ZNF646: variants seen among roughly 807,000 people sequenced by gnomAD.
ZNF646 encodes zinc finger protein 646.
Under a neutral mutation model 115.4 loss-of-function variants are expected in ZNF646, and 49 were observed. That is an observed-to-expected ratio of 0.42 (90% CI 0.34 to 0.54). The LOEUF is 0.54. Among genes scored for constraint, ZNF646 ranks in the 20% least tolerant of loss-of-function variants. ZNF646 has a pLI of 0.04. For synonymous variants in ZNF646, 933 were observed against 939.0 expected, an observed-to-expected ratio of 0.99 and a Z score of 0.12; for missense variants, 2,269 against 2,457.9, an observed-to-expected ratio of 0.92 and a Z score of 1.62.
chr16:31,082,559 G>A, intron 2 of ZNF646: 1 of 250,478 alleles, frequency 4.0e-6, no homozygotes, highest in Non-Finnish European at 8.2e-6. Context: ...ACCCAGCACT[G>A]CTGGAAGCCG....
At position 31,081,208 on chromosome 16, in the gene ZNF646, TG is replaced by T; in HGVS notation, c.4888del (p.Glu1630ArgfsTer36). ...EEARDPKAGT[G>X]EDQVVLPGQG... ...AGGCCAGAGATCCCAAAGCCGGGAC[TG>T]GGGAGGACCAGGTGGTTCTCCCTGG... is the stretch of plus-strand genomic sequence containing the variant. On this transcript the variant is annotated frameshift_variant, in exon 2 of 3. Transcript: ENST00000300850. LOFTEE classifies it high-confidence loss of function. 6.3e-7 allele frequency: 1 copy of T among 1,590,332 alleles called. No individual in the cohort carries two copies.
In ZNF646 at chr16:31,083,747, G is replaced by A. The variant is rs2057195480; in HGVS notation, c.*655G>A. Reference sequence around the variant, plus strand: ...GAGGACAGGGGCAGTAATGCCATTTGCCTGCCTGCATTCTCTTGTCCTGAG... The same window carrying A: ...GAGGACAGGGGCAGTAATGCCATTTACCTGCCTGCATTCTCTTGTCCTGAG... On this transcript the variant is annotated 3_prime_UTR_variant, in exon 3 of 3. Coordinates refer to ENST00000300850, the MANE Select transcript of ZNF646 (RefSeq NM_014699.4). 10 of 1,613,982 alleles carry A rather than the reference G, an allele frequency of 6.2e-6. No homozygotes were observed. In the Middle Eastern group the frequency reaches 6.7e-4, roughly 108 times the overall value.
intron 1 of ZNF646, chr16:31,075,859 C>T (rs2057069896): frequency 6.5e-6 from 1 of 155,004 alleles, no homozygotes; most frequent in East Asian, 1.9e-4. Context: ...GTTTTGGTGT[C>T]CTTTTAAGAT....
chr16:31,083,669 T>C lies in ZNF646; in HGVS notation c.*577T>C. ...CCCCAGGCAGGTTCCTTCCCACAGC[T>C]GCTGGGCTTCTGGGCCTGCCCTGGT... On this transcript the variant is annotated 3_prime_UTR_variant, in exon 3 of 3. Coordinates refer to ENST00000300850, the MANE Select transcript of ZNF646 (RefSeq NM_014699.4). 1 of 1,572,930 alleles carries C rather than the reference T, an allele frequency of 6.4e-7. No individual in the cohort carries two copies. Among genetic ancestry groups the C allele is most frequent in the Non-Finnish European group, 8.6e-7 (1 of 1,159,816 alleles).
At position 31,083,628 on chromosome 16, in the gene ZNF646, G is replaced by A; in HGVS notation, c.*536G>A. On this transcript the variant is annotated 3_prime_UTR_variant, in exon 3 of 3. Transcript: ENST00000300850. ...AGACACCCCTGTCCTGCAGGGTGGG[G>A]AGTGGGCACCTGTGGCCCCAGGCAG... The A allele has an allele frequency of 6.6e-7, 1 of 1,512,146 alleles. No homozygotes were observed. The highest frequency in any genetic ancestry group is 8.9e-7 in the Non-Finnish European group (1 of 1,125,954). The allele number at this position is 1,512,146 out of a possible 1,614,324, so 93.7% of individuals were successfully genotyped here.
rs1490439977 is a variant in ZNF646 at position 31,078,590 on chromosome 16, G to A, written c.2266G>A (p.Gly756Ser). 1 of 1,612,980 alleles carries A rather than the reference G, an allele frequency of 6.2e-7. No homozygotes were observed. The highest frequency in any genetic ancestry group is 1.7e-5 in the Admixed American group (1 of 59,962). The change falls in exon 2 of 3, where the codon GGC (glycine) becomes AGC (serine). Residue 756 changes from glycine to serine, a missense_variant. Physicochemically the swap from Gly to Ser is moderately conservative, Grantham distance 56. Transcript: ENST00000300850. Reference sequence around the variant, plus strand: ...TTTCCAGGGTGATAAAGAGAGCGGAGGCACTGGGGAAGGACTGGAAAGGAA... The same window carrying A: ...TTTCCAGGGTGATAAAGAGAGCGGAAGCACTGGGGAAGGACTGGAAAGGAA... ...THFQGDKESG[G>S]TGEGLERKDA...
rs1250992189 is a variant in ZNF646, at chr16:31,076,773, G to C, written c.449G>C (p.Cys150Ser). 2 of 1,613,936 alleles carry C rather than the reference G, an allele frequency of 1.2e-6. No individual in the cohort carries two copies. The highest frequency in any genetic ancestry group is 3.3e-5 in the Admixed American group (2 of 60,024). ...QTKHTEETPD[C>S]ESVPDPRAAS... is the part of the protein sequence containing the mutation. ...AAACATACAGAAGAGACACCTGACT[G>C]TGAATCTGTACCTGACCCCAGGGCA... The change falls in exon 2 of 3, where the codon TGT becomes TCT. Residue 150 changes from cysteine (C) to serine (S), a missense_variant. By Grantham distance (112) the Cys-to-Ser change is moderately radical. Coordinates refer to ENST00000300850, the MANE Select transcript of ZNF646 (RefSeq NM_014699.4).
Position 31,083,543 on chromosome 16 carries a change from A to T in ZNF646, c.*451A>T, listed in dbSNP as rs776712436. 11 of 1,421,682 alleles carry T rather than the reference A, an allele frequency of 7.7e-6. No homozygotes were observed. Among genetic ancestry groups the T allele is most frequent in the Non-Finnish European group, 1.0e-5 (11 of 1,083,642 alleles). The allele number at this position is 1,421,682 out of a possible 1,614,324, so 88.1% of individuals were successfully genotyped here. Reference sequence around the variant, plus strand: ...CTGGCGTGATTGTATCTGAAAGGGTAAAGGAGGAGGAAAGCTGAGACGCCT... The same window carrying T: ...CTGGCGTGATTGTATCTGAAAGGGTTAAGGAGGAGGAAAGCTGAGACGCCT... On this transcript the variant is annotated 3_prime_UTR_variant, in exon 3 of 3. Coordinates refer to ENST00000300850, the MANE Select transcript of ZNF646 (RefSeq NM_014699.4).
chr16:31,079,327 G>A lies in ZNF646; in HGVS notation c.3003G>A (p.Glu1001=). 3 of 1,613,392 alleles carry A rather than the reference G, an allele frequency of 1.9e-6. No homozygotes were observed. Among genetic ancestry groups the A allele is most frequent in the Non-Finnish European group, 2.5e-6 (3 of 1,179,470 alleles). ...TGGGAGTGGCAGGTGATGCCATGGA[G>A]ATGGTCGTGGACAGTGTCTTGGAGG... is the stretch of plus-strand genomic sequence containing the variant. The part of the protein sequence containing the change: ...SPLGVAGDAM[E]MVVDSVLEDI... The change falls in exon 2 of 3, where the codon GAG becomes GAA. Residue 1001 remains glutamate, a synonymous_variant. Coordinates refer to ENST00000300850, the MANE Select transcript of ZNF646 (RefSeq NM_014699.4). The surrounding 1 kb of genome is among the most constrained non-coding windows in gnomAD (Gnocchi z 5.5).
Position 31,077,594 on chromosome 16 carries a change from C to T in ZNF646, c.1270C>T (p.His424Tyr). 1 of 1,613,594 alleles carries T rather than the reference C, an allele frequency of 6.2e-7. No individual in the cohort carries two copies. The highest frequency in any genetic ancestry group is 1.1e-5 in the South Asian group (1 of 91,012). Residue 424 changes from histidine to tyrosine, a missense_variant, in exon 2 of 3, where the codon CAC (histidine) becomes TAC (tyrosine). His to Tyr is a moderately conservative substitution (Grantham distance 83). Transcript: ENST00000300850. ...CCTCAAAAACCATGTGCGGGCTCATCACAGGCCCAGGCAAGGAGTTGGGGA... is the reference window on the plus strand; with the variant it reads ...CCTCAAAAACCATGTGCGGGCTCATTACAGGCCCAGGCAAGGAGTTGGGGA... ...AALKNHVRAH[H>Y]RPRQGVGENG...
rs200387860 is a variant in ZNF646, at chr16:31,080,105, A to G, written c.3781A>G (p.Ser1261Gly). 3.7e-6 allele frequency: 6 copies of G among 1,613,236 alleles called. No individual in the cohort carries two copies. The highest frequency in any genetic ancestry group is 5.1e-6 in the Non-Finnish European group (6 of 1,179,900). ...TGCAGATCCCCGACGTTTCCGCTGC[A>G]GCGAGTGTGGGAAGGCCTTCCGCCT... Reference protein sequence around the residue: ...IHADPRRFRCSECGKAFRLRK... With the variant: ...IHADPRRFRCGECGKAFRLRK... The change falls in exon 2 of 3, where the codon AGC (serine) becomes GGC (glycine). Residue 1261 changes from serine (S) to glycine (G), a missense_variant. Physicochemically the swap from Ser to Gly is moderately conservative, Grantham distance 56. Around this residue, in one of 5 missense-constraint regions of ZNF646, gnomAD observed 1,062 missense variants for 1,172.8 expected, o/e 0.91. Coordinates refer to ENST00000300850, the MANE Select transcript of ZNF646 (RefSeq NM_014699.4).
At position 31,080,281 on chromosome 16, in the gene ZNF646, C is replaced by T; in HGVS notation, c.3957C>T (p.Arg1319=). The change falls in exon 2 of 3, where the codon CGC becomes CGT. Residue 1319 remains arginine, a synonymous_variant. Transcript: ENST00000300850. ...RHAGSLLNHR[R]SHETGQYSCP... ...CCGGCAGCCTCCTGAACCACCGGCG[C>T]AGCCACGAGACGGGCCAGTACAGCT... The T allele has an allele frequency of 1.2e-6, 2 of 1,612,800 alleles. No individual in the cohort carries two copies. The highest frequency in any genetic ancestry group is 1.7e-6 in the Non-Finnish European group (2 of 1,179,760).
chr16:31,078,333 G>A lies in ZNF646; in HGVS notation c.2009G>A (p.Arg670Gln), dbSNP rs140188005. The A allele has an allele frequency of 4.0e-5, 65 of 1,613,408 alleles. No homozygotes were observed. The highest frequency in any genetic ancestry group is 9.3e-5 in the African/African-American group (7 of 74,944). Residue 670 changes from arginine to glutamine, a missense_variant, in exon 2 of 3, where the codon CGG becomes CAG. Arg to Gln is a conservative substitution (Grantham distance 43, BLOSUM62 1). Around this residue, in one of 5 missense-constraint regions of ZNF646, gnomAD observed 852 missense variants for 900.2 expected, o/e 0.95. Transcript: ENST00000300850. ...CACTTGCGCCGGCACAGTCGGCGGC[G>A]GAGCAGGCGGCATCGGAAGCGGGCT... ...KNHLRRHSRR[R>Q]SRRHRKRAGG...
At position 31,078,583 on chromosome 16, in the gene ZNF646, G is replaced by A; in HGVS notation, c.2259G>A (p.Glu753=). ...AGACCCATTTCCAGGGTGATAAAGAGAGCGGAGGCACTGGGGAAGGACTGG... is the reference window on the plus strand; with the variant it reads ...AGACCCATTTCCAGGGTGATAAAGAAAGCGGAGGCACTGGGGAAGGACTGG... ...RDETHFQGDK[E]SGGTGEGLER... The change falls in exon 2 of 3, where the codon GAG becomes GAA. Residue 753 remains glutamate, a synonymous_variant. Coordinates refer to ENST00000300850, the MANE Select transcript of ZNF646 (RefSeq NM_014699.4). 1 of 1,612,324 alleles carries A rather than the reference G, an allele frequency of 6.2e-7. No individual in the cohort carries two copies. The highest frequency in any genetic ancestry group is 8.5e-7 in the Non-Finnish European group (1 of 1,178,782).
rs1186583866 is a variant in ZNF646, at chr16:31,077,539, C to G, written c.1215C>G (p.Leu405=). 1.9e-6 allele frequency: 3 copies of G among 1,612,912 alleles called. No individual in the cohort carries two copies. Among genetic ancestry groups the G allele is most frequent in the Admixed American group, 3.3e-5 (2 of 59,980 alleles). ...SHQTGVYPCS[L]CSKQLFNAAA... ...AGACAGGTGTCTACCCCTGCTCACTCTGTTCTAAGCAGCTGTTCAATGCGG... is the reference window on the plus strand; with the variant it reads ...AGACAGGTGTCTACCCCTGCTCACTGTGTTCTAAGCAGCTGTTCAATGCGG... The change falls in exon 2 of 3, where the codon CTC becomes CTG. Residue 405 remains leucine, a synonymous_variant. Transcript: ENST00000300850.
At position 31,078,975 on chromosome 16, in the gene ZNF646, G is replaced by T. The variant is rs773030331; in HGVS notation, c.2651G>T (p.Cys884Phe). Residue 884 changes from cysteine (C) to phenylalanine (F), a missense_variant, in exon 2 of 3, where the codon TGC (cysteine) becomes TTC (phenylalanine). Around this residue, in one of 5 missense-constraint regions of ZNF646, gnomAD observed 852 missense variants for 900.2 expected, o/e 0.95. Coordinates refer to ENST00000300850, the MANE Select transcript of ZNF646 (RefSeq NM_014699.4). ...EATSAQPFLC[C>F]LCGMIFPGRA... The stretch of plus-strand genomic sequence containing the variant: ...ACCTCAGCACAGCCTTTCCTCTGCT[G>T]CCTCTGTGGCATGATCTTCCCTGGG... 1 of 1,607,366 alleles carries T rather than the reference G, an allele frequency of 6.2e-7. No individual in the cohort carries two copies. Among genetic ancestry groups the T allele is most frequent in the East Asian group, 2.2e-5 (1 of 44,760 alleles).
upstream of ZNF646, chr16:31,073,154 G>A (rs1468373778): frequency 1.3e-5 from 2 of 152,378 alleles, no homozygotes; most frequent in African/African-American, 2.4e-5. Flanking sequence ...CCGGTTATAA[G>A]CCTCAGAAAA....
Position 31,081,402 on chromosome 16 carries a change from T to TGAACCACCA in ZNF646, c.5082_5090dup (p.Asn1694_Gln1696dup). ...TCCTACCGCCATGCTGGCAGCCTGC[T>TGAACCACCA]GAACCACCAGAAGGCCCACACCACA... On this transcript the variant is annotated inframe_insertion, in exon 2 of 3. Transcript: ENST00000300850. 6.2e-7 allele frequency: 1 copy of TGAACCACCA among 1,611,654 alleles called. No individual in the cohort carries two copies. The highest frequency in any genetic ancestry group is 8.5e-7 in the Non-Finnish European group (1 of 1,177,946).
Position 31,083,931 on chromosome 16 carries a change from G to T in ZNF646, c.*839G>T, listed in dbSNP as rs899777354. 6.5e-7 allele frequency: 1 copy of T among 1,540,552 alleles called. No homozygotes were observed. The highest frequency in any genetic ancestry group is 1.2e-5 in the South Asian group (1 of 80,750). Reference sequence around the variant, plus strand: ...CGCCATGACAGATGAGAATACTGAGGCTCAAAGCGGTTGAGCAGCCTGCTC... The same window carrying T: ...CGCCATGACAGATGAGAATACTGAGTCTCAAAGCGGTTGAGCAGCCTGCTC... On this transcript the variant is annotated 3_prime_UTR_variant, in exon 3 of 3. Coordinates refer to ENST00000300850, the MANE Select transcript of ZNF646 (RefSeq NM_014699.4).
Sources: allele counts gnomAD v4.1 joint callset, GRCh38; gene constraint gnomAD v4.1.1; regional missense constraint gnomAD v4.1.1; non-coding constraint Gnocchi (gnomAD v3.1); transcripts MANE v1.5; gene names NCBI Gene and HGNC (gene_info 2026-07-23, HGNC 2026-07-21).